The following VCL variants were observed in gnomAD, a reference collection of about 807,000 sequenced individuals.
The protein encoded by VCL is epididymis luminal protein 114.
Under a neutral mutation model 125.7 loss-of-function variants are expected in VCL, and 47 were observed. The ratio of observed to expected loss-of-function variants is 0.37; its 90% CI spans 0.30 to 0.48. VCL has a LOEUF of 0.48. VCL is among the 20% of genes least tolerant of loss of function. The pLI is 0.99. For synonymous variants in VCL, 458 were observed against 514.6 expected, an observed-to-expected ratio of 0.89 and a Z score of 1.49; for missense variants, 1,069 against 1,455.5, an observed-to-expected ratio of 0.73 and a Z score of 4.32.
chr10:74,089,340 T>C lies in VCL; in HGVS notation c.1167T>C (p.Asp389=), dbSNP rs377730275. 1 of 1,613,920 alleles carries C rather than the reference T, an allele frequency of 6.2e-7. No homozygotes were observed. The highest frequency in any genetic ancestry group is 1.3e-5 in the African/African-American group (1 of 74,912). ...AGCAGAGCATTGCAAAGAAGATCGATGCTGCTCAGGTAGTCACAGTGATTT... is the reference window on the plus strand; with the variant it reads ...AGCAGAGCATTGCAAAGAAGATCGACGCTGCTCAGGTAGTCACAGTGATTT... ...NSKQSIAKKI[D]AAQNWLADPN... is the part of the protein sequence containing the mutation. The change falls in exon 9 of 22, where the codon GAT becomes GAC. Residue 389 remains aspartate, a synonymous_variant. Transcript: ENST00000211998.
chr10:74,087,839 G>A (rs1490763575), intron 8 of VCL, among the ~76,000 whole-genome samples: 1 of 152,058 alleles, frequency 6.6e-6, no homozygotes, highest in East Asian at 2.0e-4. Flanking sequence ...AGCCAGGCAT[G>A]GTGGCACATG....
At chr10:74,036,955 G>A (rs555636426) in intron 1 of VCL, among the ~76,000 whole-genome samples, 2 of 150,524 alleles carry the variant, frequency 1.3e-5, no homozygotes, top group East Asian at 3.9e-4. Flanking sequence ...CTGTCACCCA[G>A]GCTGGAGTGC....
chr10:74,009,305 C>T (rs989676472), intron 1 of VCL, among the ~76,000 whole-genome samples: 3 of 144,272 alleles, frequency 2.1e-5, no homozygotes, highest in Non-Finnish European at 4.5e-5. Context: ...ATTGCCCAGG[C>T]TGGAGTGCAG....
chr10:74,064,214 A>C (rs1841527225), intron 2 of VCL, among the ~76,000 whole-genome samples: 1 of 152,178 alleles, frequency 6.6e-6, no homozygotes, highest in Admixed American at 6.5e-5. Flanking sequence ...AGGAACAGCC[A>C]AATGGAAGAG....
At chr10:74,063,942 T>G (rs1841521587) in intron 2 of VCL, 1 of 152,150 alleles carries the variant, frequency 6.6e-6, no homozygotes, top group Non-Finnish European at 1.5e-5. Flanking sequence ...GCAGCGCAAT[T>G]CAATTCTGAC....
At position 74,071,157 on chromosome 10, in the gene VCL, T is replaced by G; in HGVS notation, c.499+74T>G. 2.1e-6 allele frequency: 3 copies of G among 1,437,734 alleles called. No homozygotes were observed. The highest frequency in any genetic ancestry group is 2.9e-6 in the Non-Finnish European group (3 of 1,024,486). 89.1% of individuals were successfully genotyped at this position (1,437,734 alleles called of 1,614,324 possible). A position where few individuals can be genotyped will look rare whatever the true frequency, so the allele number is the denominator to read the frequency against. On this transcript the variant is annotated intron_variant, in intron 4 of 21. Coordinates refer to ENST00000211998, the MANE Select transcript of VCL (RefSeq NM_014000.3). This position sits in a 1 kb window ranked among gnomAD's most constrained non-coding sequence, Gnocchi z 4.1. ...GGAGCCAAAGGAAAGGGTACCCTCT[T>G]CCTACTTTTTGCAGAAGATAGGTGA...
Position 74,095,816 on chromosome 10 carries a change from G to A in VCL, c.1704G>A (p.Gln568=), listed in dbSNP as rs1839959715. The A allele has an allele frequency of 6.2e-7, 1 of 1,614,116 alleles. No individual in the cohort carries two copies. Reference sequence around the variant, plus strand: ...CCAGAGGGGAAGGGGAGAGTCCTCAGGCACGAGCACTTGCATCTCAGCTCC... The same window carrying A: ...CCAGAGGGGAAGGGGAGAGTCCTCAAGCACGAGCACTTGCATCTCAGCTCC... ...LAARGEGESP[Q]ARALASQLQD... The change falls in exon 12 of 22, where the codon CAG becomes CAA. Residue 568 remains glutamine (Q), a synonymous_variant. Transcript: ENST00000211998.
Position 74,118,005 on chromosome 10 carries a change from G to T in VCL, c.3259-18G>T. The T allele has an allele frequency of 6.2e-7, 1 of 1,613,796 alleles. No homozygotes were observed. The highest frequency in any genetic ancestry group is 1.1e-5 in the South Asian group (1 of 91,062). ...CATCAGGGACCCTGGGTAACGGAAA[G>T]TACCTTTTTCCTTGCAGGCCACAGA... On this transcript the variant is annotated intron_variant, in intron 21 of 21. Transcript: ENST00000211998.
chr10:74,109,000 A>C lies in VCL; in HGVS notation c.2589A>C (p.Pro863=). The change falls in exon 18 of 22, where the codon CCA becomes CCC. Residue 863 remains proline (P), a synonymous_variant. Coordinates refer to ENST00000211998, the MANE Select transcript of VCL (RefSeq NM_014000.3). ...RLTDELAPPK[P]PLPEGEVPPP... The stretch of plus-strand genomic sequence containing the variant: ...CAGATGAGCTTGCTCCTCCCAAACC[A>C]CCTCTGCCTGAAGGTGAGGTCCCTC... 1 of 1,614,022 alleles carries C rather than the reference A, an allele frequency of 6.2e-7. No individual in the cohort carries two copies. The highest frequency in any genetic ancestry group is 8.5e-7 in the Non-Finnish European group (1 of 1,179,990).
intron 2 of VCL, among the ~76,000 whole-genome samples, chr10:74,046,681 G>T (rs981714587): frequency 2.0e-5 from 3 of 152,218 alleles, no homozygotes; most frequent in African/African-American, 7.2e-5. Flanking sequence ...ACAGAGCACG[G>T]GGAATGAGTG....
At chr10:74,002,414 C>T (rs757946115) in intron 1 of VCL, among the ~76,000 whole-genome samples, 4 of 151,970 alleles carry the variant, frequency 2.6e-5, no homozygotes, top group Admixed American at 2.6e-4. Context: ...CGTGAGCCAC[C>T]ACGCCCGGCT....
chr10:74,064,503 T>A (rs548121403), intron 2 of VCL, among the ~76,000 whole-genome samples: 2 of 152,256 alleles, frequency 1.3e-5, no homozygotes, highest in Admixed American at 6.5e-5. Flanking sequence ...TATCCTGGAC[T>A]CAAGCACTCC....
Position 74,020,996 on chromosome 10 carries a change from A to G in VCL, c.169-22087A>G, listed in dbSNP as rs548062543. Among the ~76,000 whole-genome samples, 7 of 152,300 alleles carry G rather than the reference A, an allele frequency of 4.6e-5. No individual in the cohort carries two copies. The South Asian group carries it at 8.3e-4, about 18-fold the overall frequency. ...TTTTAATGAAAAACTTTTTCTGACCATAGTTTGTGCTTTTACCCTAACAAT... is the reference window on the plus strand; with the variant it reads ...TTTTAATGAAAAACTTTTTCTGACCGTAGTTTGTGCTTTTACCCTAACAAT... On this transcript the variant is annotated intron_variant, in intron 1 of 21. Coordinates refer to ENST00000211998, the MANE Select transcript of VCL (RefSeq NM_014000.3).
At chr10:74,022,754 A>C (rs1840697354) in intron 1 of VCL, among the ~76,000 whole-genome samples, 1 of 150,984 alleles carries the variant, frequency 6.6e-6, no homozygotes, top group Admixed American at 6.6e-5. Flanking sequence ...CTCCTGCCTC[A>C]GCCTCCCTAG....
Position 74,114,391 on chromosome 10 carries a change from C to T in VCL, c.3153+4C>T. ...GATTAGAACCAACCTCTTACAGGTA[C>T]TCGGGGAAAGAGGCTGCGTGTGTGT... On this transcript the variant is annotated splice_donor_region_variant and intron_variant, in intron 20 of 21. Coordinates refer to ENST00000211998, the MANE Select transcript of VCL (RefSeq NM_014000.3). 6.2e-7 allele frequency: 1 copy of T among 1,610,374 alleles called. No homozygotes were observed. Among genetic ancestry groups the T allele is most frequent in the Non-Finnish European group, 8.5e-7 (1 of 1,179,506 alleles).
intron 17 of VCL, among the ~76,000 whole-genome samples, chr10:74,108,406 A>C (rs1840170490): frequency 6.6e-6 from 1 of 151,996 alleles, no homozygotes; most frequent in Non-Finnish European, 1.5e-5. Context: ...CTTTTTGAGA[A>C]TCCTTCATCT....
chr10:74,109,262 C>T (rs1840184047), intron 18 of VCL, 106 bp downstream of exon 18: 1 of 1,413,458 alleles, frequency 7.1e-7, no homozygotes, highest in Non-Finnish European at 9.8e-7. Context: ...CCCTCTCTCT[C>T]TCCTTTGGTT....
chr10:74,031,744 C>A (rs1327096046), intron 1 of VCL, among the ~76,000 whole-genome samples: 1 of 151,934 alleles, frequency 6.6e-6, no homozygotes, highest in Non-Finnish European at 1.5e-5. Flanking sequence ...CATGGTGAAA[C>A]CCTGTCTCTA....
chr10:74,046,709 C>T (rs74969680), intron 2 of VCL, among the ~76,000 whole-genome samples: 6 of 152,188 alleles, frequency 3.9e-5, no homozygotes, highest in African/African-American at 7.2e-5. Flanking sequence ...GTTTCACTAT[C>T]GGGTAGGTAG....
Sources: gnomAD v4.1 joint callset for allele counts (sites outside exome capture counted in the v4.1 genomes callset) on GRCh38, gnomAD v4.1.1 for gene constraint, Gnocchi (gnomAD v3.1) non-coding constraint, MANE v1.5 for transcripts, NCBI Gene and HGNC (gene_info 2026-07-23, HGNC 2026-07-21) for gene names.